WDPCP: variants seen among roughly 807,000 people sequenced by gnomAD.
The protein encoded by WDPCP is WD repeat-containing and planar cell polarity effector protein fritz homolog.
Under a neutral mutation model 93.1 loss-of-function variants are expected in WDPCP, and 71 were observed. The ratio of observed to expected loss-of-function variants is 0.76; its 90% CI spans 0.63 to 0.93. The LOEUF is 0.93. Ranked by LOEUF, WDPCP falls within the 40% of genes least tolerant of loss-of-function variation. The pLI is 0.00. For synonymous variants in WDPCP, 315 were observed against 315.0 expected, an observed-to-expected ratio of 1.00 and a Z score of 0.00; for missense variants, 844 against 887.4, an observed-to-expected ratio of 0.95 and a Z score of 0.62.
intron 14 of WDPCP, among the ~76,000 whole-genome samples, chr2:63,183,214 G>A (rs1674380944): frequency 6.6e-6 from 1 of 151,796 alleles, no homozygotes; most frequent in Non-Finnish European, 1.5e-5. Flanking sequence ...TCCTTGAGGT[G>A]TGATGTTAGG....
intron 12 of WDPCP, among the ~76,000 whole-genome samples, chr2:63,325,897 G>A (rs997595196): frequency 7.2e-5 from 11 of 152,144 alleles, no homozygotes; most frequent in East Asian, 1.9e-4. Context: ...GAGAGAGCAC[G>A]GATAGCTCTT....
intron 1 of WDPCP, among the ~76,000 whole-genome samples, chr2:63,522,455 G>C (rs3980467): frequency 0.17 from 21,773 of 126,962 alleles, 2,253 homozygotes; most frequent in Non-Finnish European, 0.22. Context: ...CAGACAGACA[G>C]ACACACACAC....
chr2:63,777,624 T>C (rs149792542), intron 2 of WDPCP, among the ~76,000 whole-genome samples: 214 of 152,292 alleles, frequency 1.4e-3, no homozygotes, highest in Non-Finnish European at 2.2e-3. Flanking sequence ...ACAATATGAA[T>C]GAATCTCAAA....
intron 6 of WDPCP, among the ~76,000 whole-genome samples, chr2:63,470,918 G>A (rs1274157660): frequency 4.6e-5 from 7 of 152,094 alleles, no homozygotes; most frequent in East Asian, 1.9e-4. Context: ...TACCTGGAAC[G>A]CTCTTCCGCA....
intron 6 of WDPCP, among the ~76,000 whole-genome samples, chr2:63,464,086 C>T (rs888010191): frequency 6.6e-6 from 1 of 152,044 alleles, no homozygotes; most frequent in East Asian, 1.9e-4. Context: ...AGGTAACCTA[C>T]AGAATGGGAG....
chr2:63,380,781 AACATTTAATT>A (rs1481916967), intron 11 of WDPCP, among the ~76,000 whole-genome samples: 1 of 152,148 alleles, frequency 6.6e-6, no homozygotes, highest in African/African-American at 2.4e-5. Context: ...CTCCAAAAAG[AACATTTAATT>A]AACATTAAAT....
At chr2:63,350,772 C>T (rs1178549104) in intron 12 of WDPCP, among the ~76,000 whole-genome samples, 1 of 152,100 alleles carries the variant, frequency 6.6e-6, no homozygotes, top group Non-Finnish European at 1.5e-5. Context: ...AATTTGCAAG[C>T]ATTTCTGTGG....
In WDPCP at chr2:63,491,784, TC is replaced by T. The variant is rs1472353909; in HGVS notation, c.160+1071del. 1.1e-4 allele frequency among the ~76,000 whole-genome samples: 16 copies of T among 152,304 alleles called. No homozygotes were observed. In the South Asian group the frequency reaches 2.7e-3, roughly 26 times the overall value. ...ATGACACATACCATCTTCTACAATA[TC>T]TGGCTCCTCAAATTTCTGTATCTTT... is the stretch of plus-strand genomic sequence containing the variant. On this transcript the variant is annotated intron_variant, in intron 2 of 17. Transcript: ENST00000272321.
At chr2:63,277,181 A>C (rs1460710452) in intron 13 of WDPCP, among the ~76,000 whole-genome samples, 1 of 151,772 alleles carries the variant, frequency 6.6e-6, no homozygotes, top group Non-Finnish European at 1.5e-5. Context: ...AAATGCTGAG[A>C]GAATTCGCCA....
chr2:63,341,440 T>C (rs1027431951), intron 12 of WDPCP, among the ~76,000 whole-genome samples: 1 of 152,230 alleles, frequency 6.6e-6, no homozygotes, highest in Non-Finnish European at 1.5e-5. Flanking sequence ...CAGACTTGTT[T>C]TGTGACCTAA....
intron 14 of WDPCP, among the ~76,000 whole-genome samples, chr2:63,245,604 T>G (rs1163788673): frequency 6.6e-6 from 1 of 152,182 alleles, no homozygotes; most frequent in South Asian, 2.1e-4. Context: ...ATTTTGATCA[T>G]GTATTGAGTA....
At chr2:63,509,893 T>G (rs1702118648) in intron 1 of WDPCP, among the ~76,000 whole-genome samples, 1 of 152,026 alleles carries the variant, frequency 6.6e-6, no homozygotes, top group South Asian at 2.1e-4. Context: ...AGAAGTTGAA[T>G]CCCTGAACAG....
intron 6 of WDPCP, among the ~76,000 whole-genome samples, chr2:63,450,427 T>C (rs1202744126): frequency 1.3e-5 from 2 of 152,158 alleles, no homozygotes; most frequent in Non-Finnish European, 2.9e-5. Context: ...CCACTGCTAC[T>C]GGCATCACCC....
intron 13 of WDPCP, among the ~76,000 whole-genome samples, chr2:63,268,240 A>C (rs1682320672): frequency 6.6e-6 from 1 of 152,198 alleles, no homozygotes. Flanking sequence ...AAGATACTGT[A>C]TGATCTCACT....
chr2:63,755,551 T>C (rs751395784), intron 2 of WDPCP, among the ~76,000 whole-genome samples: 2 of 152,216 alleles, frequency 1.3e-5, no homozygotes, highest in Non-Finnish European at 2.9e-5. Flanking sequence ...ACAACAAAAG[T>C]TGACGTTAGT....
At chr2:63,717,390 A>G (rs1476356037) in intron 2 of WDPCP, 1 of 432,024 alleles carries the variant, frequency 2.3e-6, no homozygotes, top group East Asian at 5.8e-5. Flanking sequence ...TCCTGATGAT[A>G]GTGTCTGTTT....
chr2:63,424,618 C>T (rs1696126093), intron 9 of WDPCP, among the ~76,000 whole-genome samples: 1 of 152,206 alleles, frequency 6.6e-6, no homozygotes. Flanking sequence ...CCCAATCCCC[C>T]AGGGTTACAG....
intron 2 of WDPCP, among the ~76,000 whole-genome samples, chr2:63,758,781 T>C (rs1178138918): frequency 6.6e-6 from 1 of 151,600 alleles, no homozygotes; most frequent in Non-Finnish European, 1.5e-5. Flanking sequence ...TTCTTTTTTT[T>C]TATTTTTATT....
intron 9 of WDPCP, among the ~76,000 whole-genome samples, chr2:63,406,967 A>C (rs1049017386): frequency 2.6e-5 from 4 of 152,150 alleles, no homozygotes; most frequent in African/African-American, 9.7e-5. Context: ...TCAGCTTTAA[A>C]CATTCAGTAT....
Sources: allele counts gnomAD v4.1 joint callset (sites outside exome capture counted in the v4.1 genomes callset), GRCh38; gene constraint gnomAD v4.1.1; transcripts MANE v1.5; gene names NCBI Gene and HGNC (gene_info 2026-07-23, HGNC 2026-07-21).